Variants in GALNT13 observed in about 807,000 individuals in gnomAD.
The protein encoded by GALNT13 is polypeptide N-acetylgalactosaminyltransferase 13, also known as UDP-GalNAc:polypeptide N-acetylgalactosaminyltransferase 13.
In GALNT13, 28 loss-of-function variants were observed where a neutral mutation model predicts 64.2. That is an observed-to-expected ratio of 0.44 (90% confidence interval 0.32 to 0.60). GALNT13 has a LOEUF of 0.60. GALNT13 is among the 20% of genes least tolerant of loss of function. The pLI, the probability that GALNT13 is intolerant of heterozygous loss-of-function variation, is 0.05. For missense variants in GALNT13, 577 were observed against 669.8 expected (o/e 0.86, Z 1.53); for synonymous variants, 214 against 224.6 (o/e 0.95, Z 0.42).
At chr2:153,533,723 C>CTTTTTTTTTTTTTTTTTT in the GALNT13 span, among the ~76,000 whole-genome samples, 164 of 48,706 alleles carry the variant, frequency 3.4e-3, 30 homozygotes, top group East Asian at 4.4e-3. Context: ...TGAGGTTTTT[C>CTTTTTTTTTTTTTTTTTT]TTTTTTTTTT....
At chr2:153,919,757 AC>A (rs2105333749) in intron 2 of GALNT13, among the ~76,000 whole-genome samples, 1 of 151,964 alleles carries the variant, frequency 6.6e-6, no homozygotes, top group Non-Finnish European at 1.5e-5. Flanking sequence ...GCAATGGCTA[AC>A]ATGTACTGAT....
chr2:154,154,156 T>G (rs1172020719), intron 4 of GALNT13, among the ~76,000 whole-genome samples: 1 of 152,210 alleles, frequency 6.6e-6, no homozygotes, highest in South Asian at 2.1e-4. Flanking sequence ...GCAGAAATAC[T>G]CAATTATTTA....
the GALNT13 span, among the ~76,000 whole-genome samples, chr2:153,175,668 G>T: frequency 6.6e-6 from 1 of 152,098 alleles, no homozygotes; most frequent in African/African-American, 2.4e-5. Flanking sequence ...CTTTCAGGTA[G>T]AAACACTAGG....
At chr2:153,586,928 T>C in the GALNT13 span, among the ~76,000 whole-genome samples, 1 of 151,876 alleles carries the variant, frequency 6.6e-6, no homozygotes, top group Non-Finnish European at 1.5e-5. Flanking sequence ...TCCTGAATGA[T>C]CATTGGGTCA....
At chr2:154,422,681 C>G (rs1700305529) in intron 11 of GALNT13, among the ~76,000 whole-genome samples, 1 of 152,064 alleles carries the variant, frequency 6.6e-6, no homozygotes, top group Admixed American at 6.5e-5. Context: ...TTGATTTTTT[C>G]TTTTAGACAA....
intron 8 of GALNT13, among the ~76,000 whole-genome samples, chr2:154,280,843 A>G (rs927903290): frequency 1.3e-5 from 2 of 152,212 alleles, no homozygotes; most frequent in Admixed American, 1.3e-4. Flanking sequence ...GAGAAGACCA[A>G]TGTAAAATGC....
the GALNT13 span, among the ~76,000 whole-genome samples, chr2:153,552,395 A>G: frequency 6.6e-6 from 1 of 152,140 alleles, no homozygotes; most frequent in African/African-American, 2.4e-5. Context: ...AATTGCAAGG[A>G]CGATGTTCTT....
At chr2:153,654,569 A>C in the GALNT13 span, among the ~76,000 whole-genome samples, 1 of 152,084 alleles carries the variant, frequency 6.6e-6, no homozygotes, top group African/African-American at 2.4e-5. Flanking sequence ...TTAGTGTAGT[A>C]TCTCTCCATC....
At chr2:154,398,469 G>C (rs867819939) in intron 10 of GALNT13, among the ~76,000 whole-genome samples, 1 of 152,242 alleles carries the variant, frequency 6.6e-6, no homozygotes, top group East Asian at 1.9e-4. Flanking sequence ...TATAGTGTGG[G>C]CAAATTCCTT....
intron 4 of GALNT13, among the ~76,000 whole-genome samples, chr2:154,218,728 C>G (rs1688174856): frequency 1.3e-5 from 2 of 152,146 alleles, no homozygotes; most frequent in African/African-American, 4.8e-5. Flanking sequence ...GTTTCAAGCT[C>G]CTCCATAAGT....
chr2:153,934,104 A>T (rs1690730414), intron 2 of GALNT13, among the ~76,000 whole-genome samples: 2 of 152,142 alleles, frequency 1.3e-5, no homozygotes, highest in South Asian at 2.1e-4. Context: ...ATCTCAGAGG[A>T]TTTTTCTGAA....
At chr2:154,298,694 C>CATTGTATATATAATTTATATATAA (rs1693191960) in intron 8 of GALNT13, among the ~76,000 whole-genome samples, 2 of 7,434 alleles carry the variant, frequency 2.7e-4, no homozygotes, top group African/African-American at 3.9e-4. Context: ...TTTATATATA[C>CATTGTATATATAATTTATATATAA]ATTGTATATA....
the GALNT13 span, among the ~76,000 whole-genome samples, chr2:153,668,602 T>C: frequency 2.6e-5 from 4 of 151,976 alleles, no homozygotes; most frequent in African/African-American, 9.7e-5. Flanking sequence ...AAAGAGACAC[T>C]AGGATGAAGG....
intron 3 of GALNT13, among the ~76,000 whole-genome samples, chr2:154,052,571 A>G (rs1014453915): frequency 2.0e-5 from 3 of 152,046 alleles, no homozygotes; most frequent in Admixed American, 6.5e-5. Context: ...GTGAGTGAGT[A>G]TAAGAGAGAG....
the GALNT13 span, among the ~76,000 whole-genome samples, chr2:153,308,744 A>T: frequency 6.6e-6 from 1 of 152,160 alleles, no homozygotes; most frequent in African/African-American, 2.4e-5. Flanking sequence ...ACGCCGATGA[A>T]CAAATTATGT....
the GALNT13 span, among the ~76,000 whole-genome samples, chr2:153,274,935 G>A: frequency 4.6e-5 from 7 of 152,172 alleles, no homozygotes; most frequent in Non-Finnish European, 8.8e-5. Context: ...ACTGTGGTCA[G>A]TTAGGCTTAG....
chr2:153,129,962 G>A, the GALNT13 span, among the ~76,000 whole-genome samples: 20 of 152,140 alleles, frequency 1.3e-4, 1 homozygote, highest in African/African-American at 4.3e-4. Flanking sequence ...GAGGAAAGAG[G>A]CATCAAAAGG....
chr2:153,093,121 T>A, the GALNT13 span, among the ~76,000 whole-genome samples: 1 of 152,176 alleles, frequency 6.6e-6, no homozygotes, highest in Non-Finnish European at 1.5e-5. Flanking sequence ...CACCTGGTTT[T>A]TATCCTTCAT....
the GALNT13 span, among the ~76,000 whole-genome samples, chr2:153,574,163 A>G: frequency 1.4e-5 from 2 of 147,460 alleles, no homozygotes; most frequent in African/African-American, 5.0e-5. Context: ...TACTTTAAAT[A>G]TGTCATGTCA....
Sources: gnomAD v4.1 joint callset for allele counts (sites outside exome capture counted in the v4.1 genomes callset) on GRCh38, gnomAD v4.1.1 for gene constraint, MANE v1.5 for transcripts, NCBI Gene and HGNC (gene_info 2026-07-23, HGNC 2026-07-21) for gene names.